Variants in NDST3 observed in about 807,000 individuals in gnomAD.
NDST3 encodes bifunctional heparan sulfate N-deacetylase/N-sulfotransferase 3.
NDST3 carries 58 observed loss-of-function variants against 96.1 expected under a neutral mutation model. The ratio of observed to expected loss-of-function variants is 0.60; its 90% CI spans 0.49 to 0.75. NDST3 has a LOEUF of 0.75. NDST3 is among the 30% of genes least tolerant of loss of function. The pLI, the probability that NDST3 is intolerant of heterozygous loss-of-function variation, is 0.00. For missense variants in NDST3, 788 were observed against 1,034.2 expected (o/e 0.76, Z 3.27); for synonymous variants, 333 against 359.7 (o/e 0.93, Z 0.84).
chr4:118,074,801 T>C (rs1727374325), intron 2 of NDST3, among the ~76,000 whole-genome samples: 1 of 152,218 alleles, frequency 6.6e-6, no homozygotes, highest in South Asian at 2.1e-4. Context: ...TGGGATATTA[T>C]GCATACATGA....
chr4:118,152,686 A>G (rs1045828017), intron 6 of NDST3, among the ~76,000 whole-genome samples: 4 of 152,302 alleles, frequency 2.6e-5, no homozygotes, highest in East Asian at 3.9e-4. Context: ...GATGCTTTTC[A>G]CATGTCTAAC....
intron 4 of NDST3, among the ~76,000 whole-genome samples, chr4:118,132,755 G>A (rs1468987988): frequency 3.3e-5 from 5 of 152,098 alleles, no homozygotes; most frequent in African/African-American, 9.7e-5. Context: ...CAGGGTCCGA[G>A]GGCTCTTTAA....
intron 6 of NDST3, among the ~76,000 whole-genome samples, chr4:118,169,588 G>A (rs571598347): frequency 6.6e-6 from 1 of 152,230 alleles, no homozygotes; most frequent in Non-Finnish European, 1.5e-5. Context: ...GAGGTCAGGA[G>A]TTTGAAACTA....
At chr4:118,188,952 C>A (rs946146909) in intron 6 of NDST3, among the ~76,000 whole-genome samples, 4 of 152,118 alleles carry the variant, frequency 2.6e-5, no homozygotes, top group African/African-American at 9.7e-5. Context: ...TATAAAATAA[C>A]TTCACATAAT....
At chr4:118,151,716 C>T (rs541584391) in intron 6 of NDST3, among the ~76,000 whole-genome samples, 4 of 152,276 alleles carry the variant, frequency 2.6e-5, no homozygotes, top group East Asian at 3.9e-4. Flanking sequence ...GGCTCCAAAT[C>T]TGCAATAGAA....
chr4:118,100,443 C>T (rs1315479091), intron 2 of NDST3, among the ~76,000 whole-genome samples: 3 of 152,036 alleles, frequency 2.0e-5, no homozygotes, highest in Non-Finnish European at 4.4e-5. Flanking sequence ...AAATGGCCTC[C>T]TATATCTATA....
chr4:118,097,069 C>G (rs1337801997), intron 2 of NDST3, among the ~76,000 whole-genome samples: 1 of 151,966 alleles, frequency 6.6e-6, no homozygotes, highest in East Asian at 1.9e-4. Context: ...AGAAGGCAAT[C>G]TGCTTTACTC....
intron 2 of NDST3, among the ~76,000 whole-genome samples, chr4:118,065,135 G>A (rs1030412971): frequency 6.6e-6 from 1 of 152,076 alleles, no homozygotes; most frequent in Non-Finnish European, 1.5e-5. Flanking sequence ...ATTAGGACAT[G>A]GATTTCTTGG....
intron 10 of NDST3, among the ~76,000 whole-genome samples, chr4:118,239,364 G>T (rs1740872427): frequency 6.6e-6 from 1 of 152,236 alleles, no homozygotes; most frequent in Non-Finnish European, 1.5e-5. Flanking sequence ...TAGGGATTTT[G>T]ATAATAATCT....
intron 9 of NDST3, among the ~76,000 whole-genome samples, chr4:118,235,310 T>G (rs1740568701): frequency 6.6e-6 from 1 of 152,188 alleles, no homozygotes; most frequent in Non-Finnish European, 1.5e-5. Context: ...GGTCTCATAC[T>G]AAAAATATGA....
chr4:118,066,474 ATATATTATATATACATTAT>A, intron 2 of NDST3, among the ~76,000 whole-genome samples: 1 of 34,688 alleles, frequency 2.9e-5, no homozygotes, highest in African/African-American at 6.4e-5. Flanking sequence ...TATATATGTT[ATATATTATATATACATTAT>A]ATATGTTATA....
intron 6 of NDST3, among the ~76,000 whole-genome samples, chr4:118,206,227 A>C (rs1738435024): frequency 6.9e-6 from 1 of 144,312 alleles, no homozygotes; most frequent in Admixed American, 6.9e-5. Flanking sequence ...CTACATAACG[A>C]AGAAGATTTG....
intron 12 of NDST3, among the ~76,000 whole-genome samples, chr4:118,252,370 C>T (rs1741802538): frequency 6.6e-6 from 1 of 152,076 alleles, no homozygotes; most frequent in African/African-American, 2.4e-5. Context: ...GTAAATAAAC[C>T]TTGACAAACA....
chr4:118,240,741 G>C, intron 11 of NDST3, 47 bp downstream of exon 11: 1 of 1,528,712 alleles, frequency 6.5e-7, no homozygotes, highest in African/African-American at 1.4e-5. Context: ...TCATTAAGTT[G>C]ATGACTTTGC....
At chr4:118,048,334 A>C (rs142455419) in intron 1 of NDST3, among the ~76,000 whole-genome samples, 3 of 152,094 alleles carry the variant, frequency 2.0e-5, no homozygotes, top group Non-Finnish European at 4.4e-5. Flanking sequence ...CTTCATAACA[A>C]CCAGCTAACA....
intron 2 of NDST3, among the ~76,000 whole-genome samples, chr4:118,090,722 T>G (rs995149809): frequency 1.3e-5 from 2 of 151,894 alleles, no homozygotes; most frequent in African/African-American, 2.4e-5. Context: ...AAGGAGCTAT[T>G]TCTTCTTGGA....
At chr4:118,225,444 G>A (rs1739811450) in intron 7 of NDST3, among the ~76,000 whole-genome samples, 1 of 152,180 alleles carries the variant, frequency 6.6e-6, no homozygotes, top group South Asian at 2.1e-4. Context: ...ACTACCTTAA[G>A]TGGTAGGTAC....
chr4:118,128,912 T>C (rs547228551), intron 4 of NDST3, among the ~76,000 whole-genome samples: 105 of 152,186 alleles, frequency 6.9e-4, no homozygotes, highest in South Asian at 4.1e-3. Context: ...GGTTCAATTT[T>C]GGTAGGTTGT....
chr4:118,227,869 C>T (rs1740007203), intron 8 of NDST3, among the ~76,000 whole-genome samples: 1 of 152,170 alleles, frequency 6.6e-6, no homozygotes, highest in African/African-American at 2.4e-5. Flanking sequence ...GCCTCGGCCT[C>T]CCAAAGTGCT....
Sources: allele counts gnomAD v4.1 joint callset (sites outside exome capture counted in the v4.1 genomes callset), GRCh38; gene constraint gnomAD v4.1.1; transcripts MANE v1.5; gene names NCBI Gene and HGNC (gene_info 2026-07-23, HGNC 2026-07-21).